FGF12: variants seen among roughly 807,000 people sequenced by gnomAD.
FGF12 encodes fibroblast growth factor 12, also known as fibroblast growth factor 12B.
A neutral mutation model predicts 23.6 loss-of-function variants in FGF12; 14 were observed. That is an observed-to-expected ratio of 0.59 (90% CI 0.39 to 0.93). FGF12 has a LOEUF of 0.93. FGF12 is among the 40% of genes least tolerant of loss of function. The pLI is 0.00. For missense variants in FGF12, 175 were observed against 217.8 expected (o/e 0.80, Z 1.24); for synonymous variants, 62 against 77.3 (o/e 0.80, Z 1.04).
intron 2 of FGF12, among the ~76,000 whole-genome samples, chr3:192,361,387 A>G (rs908389722): frequency 2.6e-5 from 4 of 152,174 alleles, no homozygotes; most frequent in Middle Eastern, 3.4e-3. Flanking sequence ...CCGCATCACC[A>G]TTTTTGTCTC....
At chr3:192,520,078 A>G (rs1474809734) in intron 2 of FGF12, among the ~76,000 whole-genome samples, 1 of 152,198 alleles carries the variant, frequency 6.6e-6, no homozygotes, top group Non-Finnish European at 1.5e-5. Context: ...TCTGAGCGCT[A>G]AGTGTCCTCA....
intron 4 of FGF12, 127 bp downstream of exon 4, chr3:192,335,234 A>G (rs1717336623): frequency 1.1e-5 from 7 of 652,946 alleles, no homozygotes; most frequent in African/African-American, 3.6e-5. Flanking sequence ...ATAATCCCGA[A>G]AAACAGGATC....
intron 2 of FGF12, among the ~76,000 whole-genome samples, chr3:192,602,912 C>G (rs1270643444): frequency 6.6e-6 from 1 of 151,994 alleles, no homozygotes; most frequent in Non-Finnish European, 1.5e-5. Flanking sequence ...GTGATTCTCT[C>G]TATAAATAGA....
intron 2 of FGF12, among the ~76,000 whole-genome samples, chr3:192,538,473 G>T (rs926745042): frequency 2.0e-5 from 3 of 152,032 alleles, no homozygotes; most frequent in Non-Finnish European, 4.4e-5. Flanking sequence ...TGTTCCATTG[G>T]TCTATTTGTC....
At chr3:192,696,270 T>C (rs556867933) in intron 2 of FGF12, among the ~76,000 whole-genome samples, 8 of 152,200 alleles carry the variant, frequency 5.3e-5, no homozygotes, top group Non-Finnish European at 1.0e-4. Context: ...TTCTTACCCT[T>C]TCCTATAAGT....
rs1298296559 is a variant in FGF12 at position 192,514,308 on chromosome 3, C to T, written c.14-153770G>A. On this transcript the variant is annotated intron_variant, in intron 2 of 5. Coordinates refer to ENST00000445105, the MANE Select transcript of FGF12 (RefSeq NM_004113.6). This position sits in a 1 kb window ranked among gnomAD's most constrained non-coding sequence, Gnocchi z 4.9. ...ACGCACGAGCAACTTTTCGGAGACA[C>T]TGAACAACTCCAAGTCGCGCGCCGC... Among the ~76,000 whole-genome samples, 1 of 152,248 alleles carries T rather than the reference C, an allele frequency of 6.6e-6. No homozygotes were observed. Among genetic ancestry groups the T allele is most frequent in the African/African-American group, 2.4e-5 (1 of 41,474 alleles).
intron 2 of FGF12, among the ~76,000 whole-genome samples, chr3:192,683,468 C>T (rs1217537632): frequency 6.6e-6 from 1 of 152,114 alleles, no homozygotes; most frequent in African/African-American, 2.4e-5. Flanking sequence ...AGACTAGCTA[C>T]TGATAGTGTT....
In FGF12 at chr3:192,300,286, G is replaced by A. The variant is rs562750389; in HGVS notation, c.228+35075C>T. Among the ~76,000 whole-genome samples the A allele has an allele frequency of 9.8e-5, 15 of 152,290 alleles. 1 individual carries two copies. In the South Asian group the frequency reaches 3.1e-3, roughly 32 times the overall value. On this transcript the variant is annotated intron_variant, in intron 4 of 5. Coordinates refer to ENST00000445105, the MANE Select transcript of FGF12 (RefSeq NM_004113.6). The stretch of plus-strand genomic sequence containing the variant: ...TGATCTACTTTAAATATCAGTAAAT[G>A]ATGGTGCAACTGACTTTAAAACCAA...
intron 5 of FGF12, among the ~76,000 whole-genome samples, 192 bp downstream of exon 5, chr3:192,170,266 C>A (rs1577199264): frequency 8.2e-6 from 1 of 121,624 alleles, no homozygotes; most frequent in Non-Finnish European, 1.6e-5. Context: ...GGCGACAGAG[C>A]AAGACTCTGC....
At chr3:192,577,322 A>C (rs1011013331) in intron 2 of FGF12, among the ~76,000 whole-genome samples, 1 of 152,250 alleles carries the variant, frequency 6.6e-6, no homozygotes, top group African/African-American at 2.4e-5. Context: ...AACTGTGAGC[A>C]TATTGTCCTT....
At chr3:192,175,560 G>A (rs192358606) in intron 4 of FGF12, among the ~76,000 whole-genome samples, 187 of 152,272 alleles carry the variant, frequency 1.2e-3, no homozygotes, top group African/African-American at 4.4e-3. Flanking sequence ...ATAGTGTTCC[G>A]AAATTATTTT....
chr3:192,541,984 C>T (rs1406355705), intron 2 of FGF12, among the ~76,000 whole-genome samples: 1 of 151,466 alleles, frequency 6.6e-6, no homozygotes, highest in Admixed American at 6.6e-5. Flanking sequence ...GGGCCTCAGC[C>T]TCCCAAGCAG....
chr3:192,370,814 C>T (rs910105810), intron 2 of FGF12, among the ~76,000 whole-genome samples: 2 of 152,160 alleles, frequency 1.3e-5, no homozygotes, highest in Non-Finnish European at 2.9e-5. Flanking sequence ...GGTGTGCTAA[C>T]GTTTCAGCCA....
chr3:192,538,084 T>C (rs1335386454), intron 2 of FGF12, among the ~76,000 whole-genome samples: 1 of 151,792 alleles, frequency 6.6e-6, no homozygotes, highest in African/African-American at 2.4e-5. Flanking sequence ...GCACCTGAGA[T>C]TACAGATGTG....
chr3:192,194,716 T>C (rs1420563800), intron 4 of FGF12, among the ~76,000 whole-genome samples: 2 of 152,206 alleles, frequency 1.3e-5, no homozygotes, highest in East Asian at 3.9e-4. Context: ...AAACCAATAC[T>C]ATCTTTGAAA....
chr3:192,248,671 A>G (rs115599457), intron 4 of FGF12, among the ~76,000 whole-genome samples: 1,777 of 152,250 alleles, frequency 0.012, 28 homozygotes, highest in African/African-American at 0.03. Context: ...CCAGCTACTC[A>G]TGAGACTGAG....
chr3:192,470,313 T>C (rs1723134249), intron 2 of FGF12, among the ~76,000 whole-genome samples: 2 of 152,240 alleles, frequency 1.3e-5, no homozygotes, highest in Non-Finnish European at 2.9e-5. Context: ...TCTAAATGCA[T>C]TACAATGCTT....
At chr3:192,389,445 G>C (rs1340956075) in intron 2 of FGF12, among the ~76,000 whole-genome samples, 1 of 152,172 alleles carries the variant, frequency 6.6e-6, no homozygotes, top group Non-Finnish European at 1.5e-5. Context: ...GGAAAGTTGG[G>C]AACAGCATAC....
chr3:192,172,166 A>G (rs1225133522), intron 4 of FGF12, among the ~76,000 whole-genome samples: 1 of 139,964 alleles, frequency 7.1e-6, no homozygotes, highest in Non-Finnish European at 1.6e-5. Flanking sequence ...AGGTAAGCAG[A>G]TCATTTGAGG....
Sources: allele counts gnomAD v4.1 joint callset (sites outside exome capture counted in the v4.1 genomes callset), GRCh38; gene constraint gnomAD v4.1.1; non-coding constraint Gnocchi (gnomAD v3.1); transcripts MANE v1.5; gene names NCBI Gene and HGNC (gene_info 2026-07-23, HGNC 2026-07-21).